ATP8A2: variants seen among roughly 807,000 people sequenced by gnomAD.
The protein encoded by ATP8A2 is phospholipid-transporting ATPase IB.
In ATP8A2, 100 loss-of-function variants were observed where a neutral mutation model predicts 165.6. The observed-to-expected ratio is 0.60, with a 90% CI of 0.51 to 0.71. The LOEUF is 0.71. ATP8A2 is among the 30% of genes least tolerant of loss of function. ATP8A2 has a pLI of 0.00. For missense variants in ATP8A2, 1,227 were observed against 1,479.5 expected, an observed-to-expected ratio of 0.83 and a Z score of 2.80; for synonymous variants, 543 against 548.8, an observed-to-expected ratio of 0.99 and a Z score of 0.15.
At chr13:25,794,858 C>CCT (rs1950466084) in intron 27 of ATP8A2, among the ~76,000 whole-genome samples, 1 of 150,816 alleles carries the variant, frequency 6.6e-6, no homozygotes, top group South Asian at 2.1e-4. Flanking sequence ...CACACACACA[C>CCT]ACCTTCTCTC....
At chr13:25,597,335 T>G (rs3132370) in intron 24 of ATP8A2, among the ~76,000 whole-genome samples, 126,330 of 152,186 alleles carry the variant, frequency 0.83, 53,423 homozygotes, top group African/African-American at 0.91. Flanking sequence ...TGTGGAACCT[T>G]TGACTTGATT....
Position 25,536,992 on chromosome 13 carries a change from C to T in ATP8A2, c.508-996C>T, listed in dbSNP as rs558509954. 7.9e-5 allele frequency among the ~76,000 whole-genome samples: 12 copies of T among 152,338 alleles called. No individual in the cohort carries two copies. The South Asian group carries it at 1.2e-3, about 16-fold the overall frequency. ...TTGCGGAGATCACAAAGCTAGCACA[C>T]GGCTATAAAGCTAGGATTGGAGTTA... On this transcript the variant is annotated intron_variant, in intron 6 of 36. Transcript: ENST00000381655.
intron 25 of ATP8A2, among the ~76,000 whole-genome samples, chr13:25,742,628 A>T (rs1041107909): frequency 6.7e-6 from 1 of 149,872 alleles, no homozygotes; most frequent in East Asian, 2.0e-4. Context: ...GACTTAATTA[A>T]TCCCCCCCAC....
chr13:25,839,573 T>A lies in ATP8A2; in HGVS notation c.2905T>A (p.Leu969Met), dbSNP rs369850534. ...TTTCTGGGGTCACTGCATCAACGCC[T>A]TGGTCCACTCCCTCATCCTCTTCTG... ...KVFWGHCINA[L>M]VHSLILFWFP... Residue 969 changes from leucine (L) to methionine (M), a missense_variant, in exon 30 of 37, where the codon TTG becomes ATG. Leu to Met is a conservative substitution (Grantham distance 15). This residue lies in a region of ATP8A2 where 260 missense variants were observed against 245.1 expected (regional missense o/e 1.06). Coordinates refer to ENST00000381655, the MANE Select transcript of ATP8A2 (RefSeq NM_016529.6). 1.7e-5 allele frequency: 27 copies of A among 1,614,040 alleles called. No individual in the cohort carries two copies. In the African/African-American group the frequency reaches 2.7e-4, roughly 16 times the overall value.
intron 1 of ATP8A2, among the ~76,000 whole-genome samples, chr13:25,393,322 G>A (rs144592235): frequency 1.3e-5 from 2 of 151,948 alleles, no homozygotes; most frequent in Non-Finnish European, 2.9e-5. Flanking sequence ...TGTAGTGATG[G>A]GATCTCACTA....
intron 1 of ATP8A2, among the ~76,000 whole-genome samples, chr13:25,382,974 C>G (rs1240310676): frequency 6.6e-6 from 1 of 151,036 alleles, no homozygotes; most frequent in African/African-American, 2.4e-5. Flanking sequence ...CCAGGATGGT[C>G]TCCATCTCCT....
At chr13:25,744,341 G>T (rs1267933584) in intron 25 of ATP8A2, among the ~76,000 whole-genome samples, 1 of 149,118 alleles carries the variant, frequency 6.7e-6, no homozygotes, top group African/African-American at 2.6e-5. Flanking sequence ...CCGTGTGTAT[G>T]TGCGCCCTTC....
At chr13:25,903,202 G>A (rs1470429059) in intron 33 of ATP8A2, among the ~76,000 whole-genome samples, 1 of 152,090 alleles carries the variant, frequency 6.6e-6, no homozygotes, top group Non-Finnish European at 1.5e-5. Flanking sequence ...CTCATACTAG[G>A]AACGCAGAGA....
At chr13:25,493,163 T>C (rs2036576795) in intron 2 of ATP8A2, among the ~76,000 whole-genome samples, 1 of 152,178 alleles carries the variant, frequency 6.6e-6, no homozygotes, top group Non-Finnish European at 1.5e-5. Context: ...ATAATTTACA[T>C]TTTGAGTAAA....
intron 32 of ATP8A2, among the ~76,000 whole-genome samples, 167 bp downstream of exon 32, chr13:25,861,027 G>A (rs1413768461): frequency 1.3e-5 from 2 of 152,116 alleles, no homozygotes; most frequent in Non-Finnish European, 2.9e-5. Context: ...GCAATCCAAA[G>A]TCTCTTGGTG....
chr13:25,844,867 C>A (rs2138682284), intron 30 of ATP8A2, among the ~76,000 whole-genome samples: 2 of 152,256 alleles, frequency 1.3e-5, no homozygotes, highest in South Asian at 4.1e-4. Flanking sequence ...ATGGAGAGAA[C>A]CTCAGGTATA....
rs919115890 is a variant in ATP8A2 at position 25,885,609 on chromosome 13, A to T, written c.3183+23201A>T. ...TTGGCGACTGCAGCAGTCTCAGCAC[A>T]TCAGTCCCGAACCAGAGAAATTGCA... On this transcript the variant is annotated intron_variant, in intron 33 of 36. Coordinates refer to ENST00000381655, the MANE Select transcript of ATP8A2 (RefSeq NM_016529.6). Among the ~76,000 whole-genome samples, 4 of 152,176 alleles carry T rather than the reference A, an allele frequency of 2.6e-5. No homozygotes were observed. The East Asian group carries it at 7.7e-4, about 29-fold the overall frequency.
chr13:25,567,302 T>G (rs192266660), intron 16 of ATP8A2: 249 of 456,690 alleles, frequency 5.5e-4, no homozygotes, highest in Non-Finnish European at 8.5e-4. Flanking sequence ...CTAATACCTC[T>G]CCCATTGCCT....
chr13:25,748,986 A>G (rs2044097315), intron 25 of ATP8A2, among the ~76,000 whole-genome samples: 1 of 152,252 alleles, frequency 6.6e-6, no homozygotes, highest in Non-Finnish European at 1.5e-5. Context: ...TGAAGTTTGA[A>G]AGGTGAAATG....
chr13:25,684,746 C>T (rs1345802916), intron 24 of ATP8A2, among the ~76,000 whole-genome samples: 1 of 28,358 alleles, frequency 3.5e-5, no homozygotes, highest in Non-Finnish European at 8.4e-5. Context: ...GAAAACAGAG[C>T]CACTTCTCTT....
chr13:25,791,848 C>G (rs573162588), intron 27 of ATP8A2, among the ~76,000 whole-genome samples: 1 of 152,168 alleles, frequency 6.6e-6, no homozygotes, highest in Non-Finnish European at 1.5e-5. Context: ...TTCCTTCTTG[C>G]TGCTGAGTAT....
chr13:25,896,969 G>C (rs1321323448), intron 33 of ATP8A2, among the ~76,000 whole-genome samples: 3 of 152,128 alleles, frequency 2.0e-5, no homozygotes, highest in African/African-American at 7.2e-5. Context: ...CACACTGATG[G>C]GTCTTGACTC....
intron 33 of ATP8A2, among the ~76,000 whole-genome samples, chr13:25,893,744 T>C (rs1310612553): frequency 2.0e-5 from 3 of 152,196 alleles, no homozygotes; most frequent in Non-Finnish European, 4.4e-5. Flanking sequence ...ATCACCATTC[T>C]AACTGGTGTG....
chr13:25,945,165 T>C (rs1955179718), intron 33 of ATP8A2, among the ~76,000 whole-genome samples: 1 of 152,192 alleles, frequency 6.6e-6, no homozygotes, highest in Non-Finnish European at 1.5e-5. Flanking sequence ...GATAACCTTG[T>C]TGGAAGTCGG....
Sources: gnomAD v4.1 joint callset for allele counts (sites outside exome capture counted in the v4.1 genomes callset) on GRCh38, gnomAD v4.1.1 for gene constraint, gnomAD v4.1.1 regional missense constraint, MANE v1.5 for transcripts, NCBI Gene and HGNC (gene_info 2026-07-23, HGNC 2026-07-21) for gene names.